SLC7A9: variants seen among roughly 807,000 people sequenced by gnomAD.
SLC7A9 encodes solute carrier family 7 member 9.
In SLC7A9, 38 loss-of-function variants were observed where a neutral mutation model predicts 54.1. The observed-to-expected ratio is 0.70, with a 90% confidence interval of 0.54 to 0.92. The LOEUF (loss-of-function observed/expected upper bound fraction) is 0.92. Among genes scored for constraint, SLC7A9 ranks in the 40% least tolerant of loss-of-function variants. The pLI, the probability that SLC7A9 is intolerant of heterozygous loss-of-function variation, is 0.00. For missense variants in SLC7A9, 537 were observed against 636.1 expected (o/e 0.84, Z 1.68); for synonymous variants, 264 against 258.9 (o/e 1.02, Z -0.19).
chr19:32,858,617 C>A, intron 8 of SLC7A9, 74 bp from the exon 9 acceptor site: 1 of 1,242,170 alleles, frequency 8.1e-7, no homozygotes, highest in Non-Finnish European at 1.1e-6. Flanking sequence ...AAAAGCTATT[C>A]TGGCCTCCCA....
rs558245938 is a variant in SLC7A9 at position 32,833,547 on chromosome 19, C to T, written c.1225-224G>A. 7.2e-3 allele frequency among the ~76,000 whole-genome samples: 1,090 copies of T among 152,212 alleles called. 17 individuals carry two copies. The highest frequency in any genetic ancestry group is 6.9e-3 in the Non-Finnish European group (467 of 68,002). ...GCATGGGTGCTCACACCTGTAATCC[C>T]AGCACTTAGGGAGGCCGAGGCCGGT... On this transcript the variant is annotated intron_variant, in intron 11 of 12. Transcript: ENST00000023064.
intron 2 of SLC7A9, among the ~76,000 whole-genome samples, chr19:32,865,567 C>A (rs775634685): frequency 6.6e-6 from 1 of 152,212 alleles, no homozygotes; most frequent in Non-Finnish European, 1.5e-5. Context: ...ACAGGTGAAA[C>A]TAATCCACAG....
At chr19:32,843,323 G>A (rs1373057353) in intron 10 of SLC7A9, among the ~76,000 whole-genome samples, 1 of 152,078 alleles carries the variant, frequency 6.6e-6, no homozygotes, top group African/African-American at 2.4e-5. Flanking sequence ...CAGGCGTGAT[G>A]GCAGGCCCCT....
chr19:32,830,550 G>A lies in SLC7A9; in HGVS notation c.*70C>T, dbSNP rs1967747585. The A allele has an allele frequency of 4.2e-6, 5 of 1,181,078 alleles. No homozygotes were observed. Among genetic ancestry groups the A allele is most frequent in the South Asian group, 3.6e-5 (3 of 82,218 alleles). 73.2% of individuals were successfully genotyped at this position (1,181,078 alleles called of 1,614,324 possible). A position where few individuals can be genotyped will look rare whatever the true frequency, so the allele number is the denominator to read the frequency against. ...GTATATTTTATTCGTAAGAAAAAAA[G>A]GAAGAAATAACCACAAATATTGCTT... On this transcript the variant is annotated 3_prime_UTR_variant, in exon 13 of 13. Coordinates refer to ENST00000023064, the MANE Select transcript of SLC7A9 (RefSeq NM_014270.5).
intron 9 of SLC7A9, among the ~76,000 whole-genome samples, chr19:32,847,920 C>T (rs936521017): frequency 1.3e-5 from 2 of 152,124 alleles, no homozygotes; most frequent in South Asian, 2.1e-4. Context: ...CCCAGAATTT[C>T]GTACCCACCC....
chr19:32,856,771 C>T (rs1968640497), intron 9 of SLC7A9, among the ~76,000 whole-genome samples: 1 of 152,156 alleles, frequency 6.6e-6, no homozygotes, highest in Non-Finnish European at 1.5e-5. Flanking sequence ...GAGACGGAGT[C>T]TCACCATGTG....
At chr19:32,861,724 A>G (rs897630588) in intron 6 of SLC7A9, among the ~76,000 whole-genome samples, 4 of 152,118 alleles carry the variant, frequency 2.6e-5, no homozygotes, top group Non-Finnish European at 5.9e-5. Flanking sequence ...CTGAGGCGGG[A>G]AGCTGACTTG....
intron 11 of SLC7A9, among the ~76,000 whole-genome samples, chr19:32,836,046 T>A (rs2145798694): frequency 6.6e-6 from 1 of 152,218 alleles, no homozygotes; most frequent in Non-Finnish European, 1.5e-5. Context: ...CCCGAGTAGC[T>A]GGAACTACAG....
At chr19:32,857,987 GTTAT>G (rs1480965218) in intron 9 of SLC7A9, among the ~76,000 whole-genome samples, 6 of 152,114 alleles carry the variant, frequency 3.9e-5, no homozygotes, top group African/African-American at 7.2e-5. Context: ...CCAATTCTGG[GTTAT>G]TTATTAATTT....
chr19:32,862,290 G>A (rs2145842401), intron 5 of SLC7A9, 73 bp from the exon 6 acceptor site: 2 of 1,436,026 alleles, frequency 1.4e-6, no homozygotes, highest in Middle Eastern at 1.7e-4. Flanking sequence ...CGGGAAAGAT[G>A]GGCATGATTG....
chr19:32,866,924 G>A (rs1968988492), intron 2 of SLC7A9, among the ~76,000 whole-genome samples: 1 of 152,194 alleles, frequency 6.6e-6, no homozygotes, highest in African/African-American at 2.4e-5. Context: ...CTAGGAGCCT[G>A]AAGCCCTCCC....
Position 32,834,840 on chromosome 19 carries a change from G to A in SLC7A9, c.1225-1517C>T, listed in dbSNP as rs563615081. Among the ~76,000 whole-genome samples the A allele has an allele frequency of 6.6e-5, 10 of 152,248 alleles. 1 individual carries two copies. The South Asian group carries it at 1.9e-3, about 28-fold the overall frequency. ...GAGTCTCGCTCTGTCGCTCAGGCTGGAGTGCAGTGGCGTGATCTTGGCTCA... is the reference window on the plus strand; with the variant it reads ...GAGTCTCGCTCTGTCGCTCAGGCTGAAGTGCAGTGGCGTGATCTTGGCTCA... On this transcript the variant is annotated intron_variant, in intron 11 of 12. Transcript: ENST00000023064.
intron 11 of SLC7A9, among the ~76,000 whole-genome samples, chr19:32,840,173 T>C (rs904450056): frequency 2.0e-5 from 3 of 152,160 alleles, no homozygotes; most frequent in Admixed American, 1.3e-4. Flanking sequence ...TTATGTTCTT[T>C]CTTTTCTTTT....
chr19:32,842,597 TTTTTGTTTTG>T (rs3837976), intron 10 of SLC7A9, among the ~76,000 whole-genome samples: 12 of 149,114 alleles, frequency 8.0e-5, no homozygotes, highest in East Asian at 2.0e-4. Context: ...ACTGTGGGTT[TTTTTGTTTTG>T]TTTTGTTTTG....
intron 8 of SLC7A9, among the ~76,000 whole-genome samples, chr19:32,859,302 C>T (rs1968723464): frequency 6.6e-6 from 1 of 151,988 alleles, no homozygotes; most frequent in South Asian, 2.1e-4. Context: ...ACACCTTCAC[C>T]TCTCACTTCC....
chr19:32,862,035 A>G, intron 6 of SLC7A9, 83 bp downstream of exon 6: 1 of 890,122 alleles, frequency 1.1e-6, no homozygotes, highest in Admixed American at 1.7e-5. Flanking sequence ...AGGAGAACTC[A>G]TTGTTTTCCA....
Position 32,864,220 on chromosome 19 carries a change from G to C in SLC7A9, c.354C>G (p.Ile118Met), listed in dbSNP as rs369365355. The C allele has an allele frequency of 1.9e-6, 3 of 1,614,184 alleles. No homozygotes were observed. Among genetic ancestry groups the C allele is most frequent in the Admixed American group, 1.7e-5 (1 of 60,026 alleles). Reference protein sequence around the residue: ...PAYLFSWASLIVIKPTSFAII... With the variant: ...PAYLFSWASLMVIKPTSFAII... ...TGGCGAAGGACGTGGGCTTAATGAC[G>C]ATCAGGCTGGCCCAGGAGAAGAGGT... Residue 118 changes from isoleucine (I) to methionine (M), a missense_variant, in exon 4 of 13, where the codon ATC becomes ATG. Ile to Met is a conservative substitution (Grantham distance 10, BLOSUM62 1). Coordinates refer to ENST00000023064, the MANE Select transcript of SLC7A9 (RefSeq NM_014270.5).
At chr19:32,867,992 C>A (rs1257654332) in intron 2 of SLC7A9, among the ~76,000 whole-genome samples, 3 of 148,346 alleles carry the variant, frequency 2.0e-5, no homozygotes, top group African/African-American at 7.5e-5. Flanking sequence ...GCCTGTAATC[C>A]CAGCACTTTG....
At chr19:32,856,530 T>G (rs932135915) in intron 9 of SLC7A9, among the ~76,000 whole-genome samples, 1 of 152,174 alleles carries the variant, frequency 6.6e-6, no homozygotes, top group Non-Finnish European at 1.5e-5. Flanking sequence ...AAGAAGTATG[T>G]GAGGTGATAC....
Sources: gnomAD v4.1 joint callset for allele counts (sites outside exome capture counted in the v4.1 genomes callset) on GRCh38, gnomAD v4.1.1 for gene constraint, MANE v1.5 for transcripts, NCBI Gene and HGNC (gene_info 2026-07-23, HGNC 2026-07-21) for gene names.